CATSPERE: variants seen among roughly 807,000 people sequenced by gnomAD.
CATSPERE encodes the protein catsper channel auxiliary subunit epsilon.
Under a neutral mutation model 114.1 loss-of-function variants are expected in CATSPERE, and 93 were observed. That is an observed-to-expected ratio of 0.81 (90% CI 0.69 to 0.97). The LOEUF is 0.97. Ranked by LOEUF, CATSPERE falls within the 50% of genes least tolerant of loss-of-function variation. The probability of loss-of-function intolerance (pLI) is 0.00; values close to 1 mark genes in which losing one functional copy is unlikely to be tolerated. For synonymous variants in CATSPERE, 341 were observed against 384.1 expected (o/e 0.89, Z 1.31); for missense variants, 1,058 against 1,131.6 (o/e 0.93, Z 0.93).
In CATSPERE at chr1:244,572,549, C is replaced by G. The variant is rs1664619194; in HGVS notation, c.1727C>G (p.Ala576Gly). Residue 576 changes from alanine (A) to glycine (G), a missense_variant, in exon 11 of 22, where the codon GCT (alanine) becomes GGT (glycine). By Grantham distance (60) the Ala-to-Gly change is moderately conservative. This residue lies in a region of CATSPERE where 787 missense variants were observed against 905.6 expected (regional missense o/e 0.87). Transcript: ENST00000366534. ...YPLHLEAQSI[A>G]FTTKDKCPYM... ...TTACATCTGGAAGCACAAAGTATAG[C>G]TTTCACAACAAAAGACAAATGCCCA... 6.2e-7 allele frequency: 1 copy of G among 1,614,020 alleles called. No homozygotes were observed. The highest frequency in any genetic ancestry group is 2.2e-5 in the East Asian group (1 of 44,868).
intron 7 of CATSPERE, 135 bp downstream of exon 7, chr1:244,499,214 T>C (rs1673604529): frequency 1.9e-6 from 1 of 536,178 alleles, no homozygotes. Flanking sequence ...GCATGATCCC[T>C]TTTAGTTTAG....
intron 8 of CATSPERE, among the ~76,000 whole-genome samples, chr1:244,549,421 CTA>C (rs201280506): frequency 1.6e-3 from 4 of 2,438 alleles, no homozygotes; most frequent in East Asian, 0.083. Context: ...GTGTGTATGT[CTA>C]TATATATATA....
intron 13 of CATSPERE, among the ~76,000 whole-genome samples, chr1:244,584,842 G>T (rs756052267): frequency 6.6e-6 from 1 of 152,136 alleles, no homozygotes; most frequent in Non-Finnish European, 1.5e-5. Flanking sequence ...GAGCACTGCA[G>T]ACACACGCTG....
In CATSPERE at chr1:244,523,365, G is replaced by A. The variant is rs1320374148; in HGVS notation, c.536+4667G>A. Among the ~76,000 whole-genome samples the A allele has an allele frequency of 1.5e-5, 2 of 135,852 alleles. 1 individual carries two copies. Among genetic ancestry groups the A allele is most frequent in the Non-Finnish European group, 3.1e-5 (2 of 64,826 alleles). The allele number at this position is 135,852 out of a possible 152,430, so 89.1% of individuals were successfully genotyped here. ...AATAATAAGAGCTATCTATGACAAA[G>A]CCACAGCCAATATCATACTGAATGG... On this transcript the variant is annotated intron_variant, in intron 8 of 21. Coordinates refer to ENST00000366534, the MANE Select transcript of CATSPERE (RefSeq NM_001130957.2).
intron 14 of CATSPERE, among the ~76,000 whole-genome samples, chr1:244,591,240 C>A (rs1397495121): frequency 6.7e-6 from 1 of 148,952 alleles, no homozygotes; most frequent in Non-Finnish European, 1.5e-5. Flanking sequence ...TGTCTTACCT[C>A]ACATAGTTAT....
intron 10 of CATSPERE, among the ~76,000 whole-genome samples, chr1:244,572,050 C>T (rs558683530): frequency 6.6e-6 from 1 of 152,276 alleles, no homozygotes; most frequent in East Asian, 1.9e-4. Context: ...CTGCCATGCT[C>T]ATCCTTGTTA....
At chr1:244,613,328 C>T (rs6690879) in intron 19 of CATSPERE, among the ~76,000 whole-genome samples, 88,672 of 151,988 alleles carry the variant, frequency 0.58, 26,777 homozygotes, top group Middle Eastern at 0.73. Flanking sequence ...TTTTCATTAA[C>T]CCAACATATT....
At chr1:244,615,481 T>C (rs1401412448) in intron 19 of CATSPERE, among the ~76,000 whole-genome samples, 2 of 151,544 alleles carry the variant, frequency 1.3e-5, no homozygotes, top group Non-Finnish European at 2.9e-5. Flanking sequence ...TACACAAACG[T>C]AGGCGGTGTA....
chr1:244,553,600 A>AAAAACACAC (rs1553356088), intron 9 of CATSPERE, among the ~76,000 whole-genome samples: 1 of 32,578 alleles, frequency 3.1e-5, no homozygotes, highest in Non-Finnish European at 6.1e-5. Context: ...AAAAAAAAAA[A>AAAAACACAC]ATACACACAC....
At chr1:244,535,638 G>A (rs889140850) in intron 8 of CATSPERE, among the ~76,000 whole-genome samples, 7 of 152,070 alleles carry the variant, frequency 4.6e-5, no homozygotes, top group Non-Finnish European at 1.0e-4. Context: ...GCCAGGCTGG[G>A]GACTCACCTT....
chr1:244,457,973 T>C (rs912553339), upstream of CATSPERE, among the ~76,000 whole-genome samples: 14 of 152,202 alleles, frequency 9.2e-5, no homozygotes, highest in Admixed American at 2.6e-4. Flanking sequence ...ATAATTATTA[T>C]GTTAAATGAC....
chr1:244,566,187 G>C (rs1663451163), intron 10 of CATSPERE, among the ~76,000 whole-genome samples: 1 of 152,114 alleles, frequency 6.6e-6, no homozygotes, highest in Non-Finnish European at 1.5e-5. Context: ...CTGAGAGACT[G>C]TTTGTTATGA....
chr1:244,625,422 A>ATTT (rs1349807713), intron 20 of CATSPERE, among the ~76,000 whole-genome samples: 1 of 4,040 alleles, frequency 2.5e-4, no homozygotes, highest in Non-Finnish European at 7.0e-4. Context: ...ATATATATAT[A>ATTT]TATATATATA....
intron 6 of CATSPERE, among the ~76,000 whole-genome samples, chr1:244,498,452 G>T (rs1311459929): frequency 1.3e-5 from 2 of 152,160 alleles, no homozygotes; most frequent in Non-Finnish European, 2.9e-5. Context: ...TAATTTTTAA[G>T]TATATGAATA....
intron 17 of CATSPERE, among the ~76,000 whole-genome samples, chr1:244,603,167 G>A (rs1669506478): frequency 6.6e-6 from 1 of 152,118 alleles, no homozygotes; most frequent in Non-Finnish European, 1.5e-5. Flanking sequence ...TTCATAGGCA[G>A]GGGCTCCTGG....
intron 19 of CATSPERE, chr1:244,610,541 A>G (rs1670577352): frequency 1.5e-6 from 1 of 655,592 alleles, no homozygotes; most frequent in Non-Finnish European, 2.8e-6. Flanking sequence ...TTTAATTTTC[A>G]CTGCTGTAAA....
intron 20 of CATSPERE, among the ~76,000 whole-genome samples, chr1:244,625,428 A>ATTTTTTTTTTTTTTT (rs1234328450): frequency 0.014 from 54 of 3,740 alleles, no homozygotes; most frequent in South Asian, 0.036. Context: ...ATATATATAT[A>ATTTTTTTTTTTTTTT]TATATTTTTT....
intron 19 of CATSPERE, among the ~76,000 whole-genome samples, chr1:244,610,754 CTTTT>C (rs56253016): frequency 2.2e-5 from 3 of 136,410 alleles, no homozygotes; most frequent in Admixed American, 7.4e-5. Flanking sequence ...ATTTTCTTTC[CTTTT>C]TTTTTTTTTT....
Position 244,497,820 on chromosome 1 carries a change from A to T in CATSPERE, c.352-1182A>T, listed in dbSNP as rs1045019120. Among the ~76,000 whole-genome samples, 8 of 152,254 alleles carry T rather than the reference A, an allele frequency of 5.3e-5. No individual in the cohort carries two copies. In the South Asian group the frequency reaches 8.3e-4, roughly 16 times the overall value. On this transcript the variant is annotated intron_variant, in intron 6 of 21. Transcript: ENST00000366534. ...TCAAATAAAAATAAATAAAAATTTT[A>T]AAAAATGATACCACAGTACCATTTT...
Sources: gnomAD v4.1 joint callset for allele counts (sites outside exome capture counted in the v4.1 genomes callset) on GRCh38, gnomAD v4.1.1 for gene constraint, gnomAD v4.1.1 regional missense constraint, MANE v1.5 for transcripts, NCBI Gene and HGNC (gene_info 2026-07-23, HGNC 2026-07-21) for gene names.